STK38L: variants seen among roughly 807,000 people sequenced by gnomAD.
STK38L encodes the protein serine/threonine-protein kinase 38-like.
In STK38L, 28 loss-of-function variants were observed where a neutral mutation model predicts 59.7. That is an observed-to-expected ratio of 0.47 (90% CI 0.35 to 0.64). STK38L has a LOEUF of 0.64. STK38L is among the 30% of genes least tolerant of loss of function. The probability of loss-of-function intolerance (pLI) is 0.01; values close to 1 mark genes in which losing one functional copy is unlikely to be tolerated. For missense variants in STK38L, 314 were observed against 555.8 expected, an observed-to-expected ratio of 0.56 and a Z score of 4.37; for synonymous variants, 162 against 176.8, an observed-to-expected ratio of 0.92 and a Z score of 0.66.
intron 1 of STK38L, among the ~76,000 whole-genome samples, chr12:27,286,096 T>C (rs1943765501): frequency 6.6e-6 from 1 of 152,206 alleles, no homozygotes; most frequent in Admixed American, 6.5e-5. Context: ...TTGTCTTTAG[T>C]TTTGTTCCAT....
intron 1 of STK38L, among the ~76,000 whole-genome samples, chr12:27,268,709 G>GT (rs1943353843): frequency 6.6e-6 from 1 of 152,266 alleles, no homozygotes; most frequent in East Asian, 1.9e-4. Flanking sequence ...CTTCCACAAT[G>GT]GTTGAACTAG....
At chr12:27,269,337 A>G (rs1373580275) in intron 1 of STK38L, among the ~76,000 whole-genome samples, 3 of 152,160 alleles carry the variant, frequency 2.0e-5, no homozygotes, top group African/African-American at 7.2e-5. Context: ...CTTTCTATAT[A>G]TGGCTAGCCA....
chr12:27,282,129 C>G (rs1423100787), intron 1 of STK38L, among the ~76,000 whole-genome samples: 1 of 152,192 alleles, frequency 6.6e-6, no homozygotes, highest in African/African-American at 2.4e-5. Context: ...AATGTCACAT[C>G]TGAATAACAG....
chr12:27,271,007 G>A (rs1943411836), intron 1 of STK38L, among the ~76,000 whole-genome samples: 1 of 152,190 alleles, frequency 6.6e-6, no homozygotes, highest in East Asian at 1.9e-4. Context: ...GTACAGTGAT[G>A]ATAGCAGTGA....
intron 1 of STK38L, among the ~76,000 whole-genome samples, chr12:27,289,752 C>T (rs903456369): frequency 6.6e-6 from 1 of 152,248 alleles, no homozygotes; most frequent in African/African-American, 2.4e-5. Context: ...GAGAATCACT[C>T]TTTTGTGAGA....
intron 1 of STK38L, among the ~76,000 whole-genome samples, chr12:27,266,236 A>G (rs1274855420): frequency 6.6e-6 from 1 of 152,226 alleles, no homozygotes; most frequent in Non-Finnish European, 1.5e-5. Context: ...ATAAATGTGC[A>G]TCTTTTCCTA....
intron 1 of STK38L, 98 bp from the exon 2 acceptor site, chr12:27,297,612 G>A (rs536806698): frequency 2.8e-5 from 37 of 1,316,114 alleles, no homozygotes; most frequent in South Asian, 1.6e-4. Flanking sequence ...TGTTAGGGTC[G>A]AATTTTTCTT....
Position 27,262,230 on chromosome 12 carries a change from A to G in STK38L, c.-12+17898A>G, listed in dbSNP as rs1051795205. Among the ~76,000 whole-genome samples, 3 of 152,346 alleles carry G rather than the reference A, an allele frequency of 2.0e-5. No homozygotes were observed. The South Asian group carries it at 6.2e-4, about 32-fold the overall frequency. On this transcript the variant is annotated intron_variant, in intron 1 of 13. Coordinates refer to ENST00000389032, the MANE Select transcript of STK38L (RefSeq NM_015000.4). ...ATATTTTAGGATTAGAGCCCAGACA[A>G]TAATAATGCCATTATTGAGAAGCCA...
intron 5 of STK38L, among the ~76,000 whole-genome samples, chr12:27,312,144 G>A (rs1237541361): frequency 6.6e-6 from 1 of 152,202 alleles, no homozygotes; most frequent in Non-Finnish European, 1.5e-5. Flanking sequence ...CTCCCAAAGT[G>A]CTGGGATTAC....
intron 1 of STK38L, among the ~76,000 whole-genome samples, chr12:27,271,848 C>CTTTTGTATTTTT (rs1215723828): frequency 5.9e-5 from 9 of 152,214 alleles, no homozygotes; most frequent in Middle Eastern, 3.4e-3. Flanking sequence ...TACAGGCGCA[C>CTTTTGTATTTTT]ACCACCGTGC....
At position 27,322,680 on chromosome 12, in the gene STK38L, A is replaced by G. The variant is rs1456607954; in HGVS notation, c.*225A>G. On this transcript the variant is annotated 3_prime_UTR_variant, in exon 14 of 14. Transcript: ENST00000389032. ...TTTTATTATTTTTGTTAACTTTATTATATGAAGGTACTGGAATAAAAGGAA... is the reference window on the plus strand; with the variant it reads ...TTTTATTATTTTTGTTAACTTTATTGTATGAAGGTACTGGAATAAAAGGAA... The G allele has an allele frequency of 1.2e-5, 5 of 410,218 alleles. No individual in the cohort carries two copies. Among genetic ancestry groups the G allele is most frequent in the Non-Finnish European group, 2.1e-5 (5 of 241,680 alleles). 25.4% of individuals were successfully genotyped at this position (410,218 alleles called of 1,614,324 possible).
In STK38L at chr12:27,273,802, C is replaced by G. The variant is rs866167444; in HGVS notation, c.-11-23908C>G. ...AACAGCAGGACATTGTCTAGATAAT[C>G]TACCTTTCTGTGCCTTACTTTTTAT... On this transcript the variant is annotated intron_variant, in intron 1 of 13. Transcript: ENST00000389032. Among the ~76,000 whole-genome samples the G allele has an allele frequency of 5.9e-5, 9 of 152,288 alleles. No homozygotes were observed. The South Asian group carries it at 1.9e-3, about 32-fold the overall frequency.
chr12:27,254,516 CT>C (rs1943047694), intron 1 of STK38L, among the ~76,000 whole-genome samples: 1 of 152,026 alleles, frequency 6.6e-6, no homozygotes, highest in Non-Finnish European at 1.5e-5. Flanking sequence ...CTACAGATTT[CT>C]TTTTTACATA....
At chr12:27,306,892 G>A (rs1356911330) in intron 3 of STK38L, among the ~76,000 whole-genome samples, 6 of 151,924 alleles carry the variant, frequency 3.9e-5, no homozygotes, top group East Asian at 1.9e-4. Context: ...CACCACGCCC[G>A]GCTAATTTTT....
intron 3 of STK38L, among the ~76,000 whole-genome samples, chr12:27,306,750 CACAT>C (rs1295273787): frequency 5.4e-4 from 79 of 147,270 alleles, no homozygotes; most frequent in African/African-American, 1.8e-3. Flanking sequence ...CACACACACA[CACAT>C]ATATTTGAGA....
chr12:27,271,881 G>A (rs1943431496), intron 1 of STK38L, among the ~76,000 whole-genome samples: 4 of 152,084 alleles, frequency 2.6e-5, no homozygotes, highest in Non-Finnish European at 5.9e-5. Flanking sequence ...TGTATTTTTA[G>A]TAGAGACAGG....
At chr12:27,315,387 G>T in intron 9 of STK38L, 37 bp downstream of exon 9, 1 of 1,554,798 alleles carries the variant, frequency 6.4e-7, no homozygotes, top group Non-Finnish European at 8.8e-7. Flanking sequence ...TTTATGCCTT[G>T]GTTCTAAAAT....
At chr12:27,259,951 G>A (rs1182646455) in intron 1 of STK38L, among the ~76,000 whole-genome samples, 1 of 152,080 alleles carries the variant, frequency 6.6e-6, no homozygotes, top group Non-Finnish European at 1.5e-5. Context: ...CCCATTTTCT[G>A]TCATTAATAT....
chr12:27,321,045 G>A (rs1328075809), intron 12 of STK38L, among the ~76,000 whole-genome samples: 1 of 152,142 alleles, frequency 6.6e-6, no homozygotes, highest in African/African-American at 2.4e-5. Context: ...CAGTCATGGA[G>A]CAGGGATTTG....
Sources: allele counts gnomAD v4.1 joint callset (sites outside exome capture counted in the v4.1 genomes callset), GRCh38; gene constraint gnomAD v4.1.1; transcripts MANE v1.5; gene names NCBI Gene and HGNC (gene_info 2026-07-23, HGNC 2026-07-21).